GRIA1: variants seen among roughly 807,000 people sequenced by gnomAD.
GRIA1 encodes glutamate ionotropic receptor AMPA type subunit 1.
Under a neutral mutation model 99.2 loss-of-function variants are expected in GRIA1, and 31 were observed. That is an observed-to-expected ratio of 0.31 (90% CI 0.23 to 0.42). The LOEUF is 0.42. GRIA1 is among the 10% of genes least tolerant of loss of function. GRIA1 has a pLI of 1.00. For synonymous variants in GRIA1, 438 were observed against 432.4 expected, an observed-to-expected ratio of 1.01 and a Z score of -0.16; for missense variants, 782 against 1,157.5, an observed-to-expected ratio of 0.68 and a Z score of 4.71.
In GRIA1 at chr5:153,813,529, C is replaced by T. The variant is rs1453991820; in HGVS notation, c.*2304C>T. Reference sequence around the variant, plus strand: ...TCAATGGAGAAATGAAAGGAAAACACAAGCAAGAAAAAAGTTAACTTGTAT... The same window carrying T: ...TCAATGGAGAAATGAAAGGAAAACATAAGCAAGAAAAAAGTTAACTTGTAT... On this transcript the variant is annotated 3_prime_UTR_variant, in exon 16 of 16. Transcript: ENST00000285900. 2 of 152,124 alleles carry T rather than the reference C, an allele frequency of 1.3e-5. No individual in the cohort carries two copies. The highest frequency in any genetic ancestry group is 4.8e-5 in the African/African-American group (2 of 41,434). The allele number at this position is 152,124 out of a possible 1,614,324, so 9.4% of individuals were successfully genotyped here.
chr5:153,703,998 C>A (rs980862923), intron 10 of GRIA1, among the ~76,000 whole-genome samples: 1 of 152,136 alleles, frequency 6.6e-6, no homozygotes, highest in African/African-American at 2.4e-5. Context: ...GTAAAAATTA[C>A]CAAGATTTAT....
Position 153,585,943 on chromosome 5 carries a change from G to GGTGGTGAGGAGGGGGAGT in GRIA1, c.221-60963_221-60946dup. 1.3e-5 allele frequency among the ~76,000 whole-genome samples: 2 copies of GGTGGTGAGGAGGGGGAGT among 152,160 alleles called. 1 individual carries two copies. Among genetic ancestry groups the GGTGGTGAGGAGGGGGAGT allele is most frequent in the Middle Eastern group, 6.8e-3 (2 of 294 alleles). ...CCTTAACACCTGAGTCTGATGGGGT[G>GGTGGTGAGGAGGGGGAGT]GTGGTGAGGAGGGGGAGTGTGGTGA... On this transcript the variant is annotated intron_variant, in intron 2 of 15. Coordinates refer to ENST00000285900, the MANE Select transcript of GRIA1 (RefSeq NM_000827.4).
intron 3 of GRIA1, among the ~76,000 whole-genome samples, chr5:153,649,818 G>T (rs1264084380): frequency 6.6e-6 from 1 of 152,158 alleles, no homozygotes; most frequent in East Asian, 1.9e-4. Context: ...AGGTATTAAA[G>T]ATACTATATT....
At chr5:153,717,592 C>A (rs1759758293) in intron 11 of GRIA1, among the ~76,000 whole-genome samples, 1 of 152,106 alleles carries the variant, frequency 6.6e-6, no homozygotes, top group African/African-American at 2.4e-5. Flanking sequence ...ACTTTTGGGG[C>A]CCTGTACCCT....
intron 2 of GRIA1, among the ~76,000 whole-genome samples, chr5:153,610,841 A>G (rs1765918500): frequency 6.6e-6 from 1 of 152,214 alleles, no homozygotes; most frequent in Non-Finnish European, 1.5e-5. Flanking sequence ...GCTATTTATA[A>G]TTAATTTTGT....
intron 11 of GRIA1, among the ~76,000 whole-genome samples, chr5:153,739,019 G>A (rs1425517472): frequency 1.3e-5 from 2 of 149,960 alleles, no homozygotes; most frequent in East Asian, 3.9e-4. Context: ...ACCACACCTG[G>A]CCCATACCTT....
intron 8 of GRIA1, among the ~76,000 whole-genome samples, chr5:153,694,697 C>T (rs1351927223): frequency 6.6e-6 from 1 of 152,222 alleles, no homozygotes; most frequent in Admixed American, 6.5e-5. Context: ...AGCTTTTAAA[C>T]CAGGTCTGGC....
chr5:153,714,266 G>A (rs1759517619), intron 11 of GRIA1, among the ~76,000 whole-genome samples: 1 of 152,060 alleles, frequency 6.6e-6, no homozygotes, highest in Non-Finnish European at 1.5e-5. Context: ...CAGTTTGAGA[G>A]CCCTAAAAGA....
In GRIA1 at chr5:153,650,590, TGTTATAAAGAGG is replaced by T. The variant is rs1044028987; in HGVS notation, c.645+92_645+103del. On this transcript the variant is annotated intron_variant, in intron 4 of 15. Coordinates refer to ENST00000285900, the MANE Select transcript of GRIA1 (RefSeq NM_000827.4). ...TAGCCAGACACACTTTTGCCTTGGG[TGTTATAAAGAGG>T]GTTATAAAGAGGGTTCTTGACTAGG... 47 of 1,426,642 alleles carry T rather than the reference TGTTATAAAGAGG, an allele frequency of 3.3e-5. No individual in the cohort carries two copies. The African/African-American group carries it at 4.7e-4, about 14-fold the overall frequency. The allele number at this position is 1,426,642 out of a possible 1,614,324, so 88.4% of individuals were successfully genotyped here. A position where few individuals can be genotyped will look rare whatever the true frequency, so the allele number is the denominator to read the frequency against.
intron 2 of GRIA1, among the ~76,000 whole-genome samples, chr5:153,621,856 C>A (rs1767079133): frequency 2.0e-5 from 3 of 152,110 alleles, no homozygotes; most frequent in African/African-American, 4.8e-5. Flanking sequence ...AATTTAGAAG[C>A]CTTGCTTTTT....
At chr5:153,706,128 G>GTTTTTTTT in intron 11 of GRIA1, 61 bp downstream of exon 11, 1 of 1,503,590 alleles carries the variant, frequency 6.7e-7, no homozygotes, top group African/African-American at 1.4e-5. Flanking sequence ...TTGTTTGTTT[G>GTTTTTTTT]TTTGTTTTTT....
chr5:153,732,190 AGTGCATATATCTTT>A (rs1014059128), intron 11 of GRIA1, among the ~76,000 whole-genome samples: 28 of 152,266 alleles, frequency 1.8e-4, no homozygotes, highest in African/African-American at 6.7e-4. Context: ...TGAACATGAC[AGTGCATATATCTTT>A]GTGAGATGCT....
intron 1 of GRIA1, chr5:153,492,112 A>G: frequency 7.1e-7 from 1 of 1,415,638 alleles, no homozygotes; most frequent in Non-Finnish European, 9.3e-7. Flanking sequence ...TCCACTAGGG[A>G]AAGTTCGCAT....
intron 2 of GRIA1, among the ~76,000 whole-genome samples, chr5:153,512,534 C>T (rs1756195379): frequency 6.6e-6 from 1 of 152,220 alleles, no homozygotes; most frequent in African/African-American, 2.4e-5. Context: ...TTTGACTCCA[C>T]ACGACAGAGC....
At chr5:153,564,605 T>C (rs1761454487) in intron 2 of GRIA1, among the ~76,000 whole-genome samples, 1 of 152,162 alleles carries the variant, frequency 6.6e-6, no homozygotes, top group African/African-American at 2.4e-5. Flanking sequence ...GCTGCAACAC[T>C]TACACAAGGC....
chr5:153,647,207 G>A (rs769218292), intron 3 of GRIA1, 40 bp downstream of exon 3: 5 of 1,600,010 alleles, frequency 3.1e-6, no homozygotes. Flanking sequence ...TTGAGGGATG[G>A]AGAGAAAATT....
intron 2 of GRIA1, among the ~76,000 whole-genome samples, chr5:153,551,796 C>A (rs1309337021): frequency 1.3e-5 from 2 of 152,156 alleles, no homozygotes; most frequent in Non-Finnish European, 2.9e-5. Flanking sequence ...GTTCTTTGAA[C>A]TTCTTTGAGG....
chr5:153,530,671 T>C (rs994681531), intron 2 of GRIA1, among the ~76,000 whole-genome samples: 2 of 152,158 alleles, frequency 1.3e-5, no homozygotes, highest in African/African-American at 4.8e-5. Flanking sequence ...TGGGCCTGGG[T>C]GTTTGCATTC....
intron 2 of GRIA1, among the ~76,000 whole-genome samples, chr5:153,519,126 T>A (rs2113360863): frequency 6.6e-6 from 1 of 152,118 alleles, no homozygotes; most frequent in South Asian, 2.1e-4. Flanking sequence ...TAGCCGGGCA[T>A]GATGGCACGC....
Sources: gnomAD v4.1 joint callset for allele counts (sites outside exome capture counted in the v4.1 genomes callset) on GRCh38, gnomAD v4.1.1 for gene constraint, MANE v1.5 for transcripts, NCBI Gene and HGNC (gene_info 2026-07-23, HGNC 2026-07-21) for gene names.